The following AGBL4 variants were observed in gnomAD, a reference collection of about 807,000 sequenced individuals.
AGBL4 encodes AGBL carboxypeptidase 4.
AGBL4 carries 58 observed loss-of-function variants against 66.4 expected under a neutral mutation model. The ratio of observed to expected loss-of-function variants is 0.87; its 90% confidence interval spans 0.71 to 1.09. The LOEUF (loss-of-function observed/expected upper bound fraction) is 1.09. Ranked by LOEUF, AGBL4 falls within the 50% of genes least tolerant of loss-of-function variation. The pLI, the probability that AGBL4 is intolerant of heterozygous loss-of-function variation, is 0.00. For synonymous variants in AGBL4, 234 were observed against 222.9 expected (o/e 1.05, Z -0.44); for missense variants, 579 against 631.0 (o/e 0.92, Z 0.88).
intron 1 of AGBL4, among the ~76,000 whole-genome samples, chr1:49,874,503 T>G (rs1310514287): frequency 6.6e-6 from 1 of 152,146 alleles, no homozygotes; most frequent in African/African-American, 2.4e-5. Context: ...GGAAAGTGGC[T>G]ATAATCCATT....
intron 3 of AGBL4, among the ~76,000 whole-genome samples, chr1:49,692,344 T>A (rs1248120549): frequency 6.6e-6 from 1 of 152,178 alleles, no homozygotes; most frequent in Non-Finnish European, 1.5e-5. Flanking sequence ...CACTGTGATA[T>A]GCTGCCTTTG....
chr1:49,346,446 A>G (rs980522518), intron 3 of AGBL4, among the ~76,000 whole-genome samples: 12 of 152,188 alleles, frequency 7.9e-5, no homozygotes, highest in Admixed American at 6.5e-4. Context: ...TTCCCAGTTC[A>G]TGAAAAGCCT....
chr1:49,752,820 G>T (rs1428179637), intron 2 of AGBL4, among the ~76,000 whole-genome samples: 1 of 152,138 alleles, frequency 6.6e-6, no homozygotes, highest in Admixed American at 6.5e-5. Flanking sequence ...TTACCATTAT[G>T]TAATGCCCTT....
At chr1:48,692,603 T>C (rs1463970238) in intron 6 of AGBL4, among the ~76,000 whole-genome samples, 3 of 152,198 alleles carry the variant, frequency 2.0e-5, no homozygotes, top group African/African-American at 2.4e-5. Context: ...CAAATCCTGA[T>C]TCTATCCATG....
chr1:49,509,866 T>G (rs747829004), intron 3 of AGBL4, among the ~76,000 whole-genome samples: 2 of 151,968 alleles, frequency 1.3e-5, no homozygotes, highest in Non-Finnish European at 2.9e-5. Flanking sequence ...TATGAAATAC[T>G]AGAATTCCTG....
At chr1:48,559,910 C>A (rs1644372221) in intron 11 of AGBL4, among the ~76,000 whole-genome samples, 1 of 152,120 alleles carries the variant, frequency 6.6e-6, no homozygotes, top group Admixed American at 6.6e-5. Context: ...ACACAGTAAA[C>A]AATGAGTGGA....
intron 3 of AGBL4, among the ~76,000 whole-genome samples, chr1:49,586,415 T>G (rs755571728): frequency 6.6e-6 from 1 of 152,214 alleles, no homozygotes. Context: ...ATTATTAATA[T>G]GAAAAGTGGT....
At position 48,920,201 on chromosome 1, in the gene AGBL4, T is replaced by C. The variant is rs569775278; in HGVS notation, c.595-52971A>G. On this transcript the variant is annotated intron_variant, in intron 5 of 13. Coordinates refer to ENST00000371839, the MANE Select transcript of AGBL4 (RefSeq NM_032785.4). ...AGGAAATTCCTCACTGTGCCACTAA[T>C]TTATAGTATGACATTGGCCACATCC... Among the ~76,000 whole-genome samples the C allele has an allele frequency of 2.0e-5, 3 of 152,162 alleles. No homozygotes were observed. In the South Asian group the frequency reaches 6.2e-4, roughly 32 times the overall value.
intron 2 of AGBL4, among the ~76,000 whole-genome samples, chr1:49,775,260 C>A (rs549868766): frequency 1.0e-3 from 158 of 152,118 alleles, no homozygotes; most frequent in Non-Finnish European, 1.7e-3. Flanking sequence ...GTGCCCTCAT[C>A]CATAAAATGG....
chr1:50,006,893 C>T (rs1484330560), intron 1 of AGBL4, among the ~76,000 whole-genome samples: 1 of 152,110 alleles, frequency 6.6e-6, no homozygotes, highest in Admixed American at 6.6e-5. Context: ...ACAAAACTCA[C>T]TGGTAATAGT....
chr1:49,026,302 T>G (rs1413178619), intron 5 of AGBL4, among the ~76,000 whole-genome samples: 1 of 152,158 alleles, frequency 6.6e-6, no homozygotes, highest in African/African-American at 2.4e-5. Context: ...TACATTAAAT[T>G]TATTGAGCTT....
chr1:48,764,632 G>C (rs1471146287), intron 6 of AGBL4, among the ~76,000 whole-genome samples: 1 of 152,226 alleles, frequency 6.6e-6, no homozygotes, highest in South Asian at 2.1e-4. Context: ...GGCTCAGTGT[G>C]CAGATGTGGA....
At chr1:50,011,274 A>G (rs1036050522) in intron 1 of AGBL4, among the ~76,000 whole-genome samples, 6 of 152,226 alleles carry the variant, frequency 3.9e-5, no homozygotes, top group Admixed American at 3.9e-4. Flanking sequence ...GCAAACAGGC[A>G]TACGAAAAGG....
intron 2 of AGBL4, among the ~76,000 whole-genome samples, chr1:49,711,824 T>C (rs1647690589): frequency 6.6e-6 from 1 of 152,078 alleles, no homozygotes; most frequent in Non-Finnish European, 1.5e-5. Context: ...AATTTAGTGT[T>C]TCCCTTTTAC....
intron 3 of AGBL4, among the ~76,000 whole-genome samples, chr1:49,551,007 T>C (rs979948025): frequency 1.3e-5 from 2 of 152,154 alleles, no homozygotes; most frequent in African/African-American, 4.8e-5. Flanking sequence ...TTATTCTTTT[T>C]TCTTTGTCTT....
At chr1:49,292,406 C>T (rs1644557423) in intron 3 of AGBL4, among the ~76,000 whole-genome samples, 1 of 152,194 alleles carries the variant, frequency 6.6e-6, no homozygotes. Context: ...AGGTTGATGG[C>T]CATGCTGCCA....
At chr1:48,572,651 G>T (rs1299185675) in intron 11 of AGBL4, among the ~76,000 whole-genome samples, 1 of 152,166 alleles carries the variant, frequency 6.6e-6, no homozygotes, top group Non-Finnish European at 1.5e-5. Context: ...TATCAGGGAA[G>T]AGGAATGCTA....
At chr1:49,573,353 A>C (rs1644372656) in intron 3 of AGBL4, among the ~76,000 whole-genome samples, 1 of 152,120 alleles carries the variant, frequency 6.6e-6, no homozygotes, top group Non-Finnish European at 1.5e-5. Context: ...CTAGGACTCT[A>C]CTTCTAATAG....
At chr1:49,563,616 G>T (rs1280518445) in intron 3 of AGBL4, among the ~76,000 whole-genome samples, 1 of 152,102 alleles carries the variant, frequency 6.6e-6, no homozygotes, top group African/African-American at 2.4e-5. Context: ...TACATTTATT[G>T]ATTTTCATAT....
Sources: gnomAD v4.1 joint callset for allele counts (sites outside exome capture counted in the v4.1 genomes callset) on GRCh38, gnomAD v4.1.1 for gene constraint, MANE v1.5 for transcripts, NCBI Gene and HGNC (gene_info 2026-07-23, HGNC 2026-07-21) for gene names.